Variants in ZNF169 observed in about 807,000 individuals in gnomAD.
The protein encoded by ZNF169 is zinc finger protein 169.
A neutral mutation model predicts 12.0 loss-of-function variants in ZNF169; 11 were observed. The ratio of observed to expected loss-of-function variants is 0.92; its 90% CI spans 0.58 to 1.52. The LOEUF (loss-of-function observed/expected upper bound fraction) is 1.52, where lower values mean the gene tolerates loss of function less well. Among genes scored for constraint, ZNF169 ranks in the 40% most tolerant of loss-of-function variants. The pLI is 0.00. For synonymous variants in ZNF169, 302 were observed against 286.5 expected (o/e 1.05, Z -0.55); for missense variants, 722 against 744.0 (o/e 0.97, Z 0.34).
intron 1 of ZNF169, among the ~76,000 whole-genome samples, chr9:94,274,823 A>G (rs1830493096): frequency 1.3e-5 from 2 of 152,198 alleles, no homozygotes; most frequent in South Asian, 4.1e-4. Context: ...TCATCTGGCA[A>G]CATGGTCCAC....
intron 1 of ZNF169, among the ~76,000 whole-genome samples, chr9:94,264,124 T>C (rs1830250722): frequency 6.8e-6 from 1 of 146,644 alleles, no homozygotes; most frequent in Non-Finnish European, 1.5e-5. Context: ...ATAATGTATT[T>C]GCTATAAACA....
intron 2 of ZNF169, among the ~76,000 whole-genome samples, chr9:94,281,398 A>T (rs1830628496): frequency 6.6e-6 from 1 of 152,212 alleles, no homozygotes; most frequent in African/African-American, 2.4e-5. Flanking sequence ...GTAACATAGA[A>T]AGGGAGCTGG....
intron 3 of ZNF169, 137 bp downstream of exon 3, chr9:94,292,604 C>T (rs1830864530): frequency 1.4e-6 from 1 of 701,818 alleles, no homozygotes; most frequent in Non-Finnish European, 2.1e-6. Context: ...TTTCACAGTG[C>T]AGTTGTGTGT....
rs372065573 is a variant in ZNF169, at chr9:94,284,853, A to G, written c.33+6008A>G. Among the ~76,000 whole-genome samples the G allele has an allele frequency of 3.9e-5, 6 of 152,144 alleles. No individual in the cohort carries two copies. In the East Asian group the frequency reaches 7.7e-4, roughly 20 times the overall value. On this transcript the variant is annotated intron_variant, in intron 2 of 4. Coordinates refer to ENST00000395395, the MANE Select transcript of ZNF169 (RefSeq NM_194320.4). ...TAGATTTAGTTCAATCAGAATTCCAATGGTGTTTTTTTTTCAGAAATAGAC... is the reference window on the plus strand; with the variant it reads ...TAGATTTAGTTCAATCAGAATTCCAGTGGTGTTTTTTTTTCAGAAATAGAC...
In ZNF169 at chr9:94,300,042, A is replaced by G; in HGVS notation, c.484A>G (p.Arg162Gly). The change falls in exon 5 of 5, where the codon AGG (arginine) becomes GGG (glycine). Residue 162 changes from arginine to glycine, a missense_variant. By Grantham distance (125) the Arg-to-Gly change is moderately radical. Transcript: ENST00000395395. Reference sequence around the variant, plus strand: ...AAGAAAGAGGCCAAGCAGAATTTCTAGGACATTCTTCAGCCCACATCAAGG... The same window carrying G: ...AAGAAAGAGGCCAAGCAGAATTTCTGGGACATTCTTCAGCCCACATCAAGG... ...SLRKRPSRIS[R>G]TFFSPHQGDP... 1 of 1,614,136 alleles carries G rather than the reference A, an allele frequency of 6.2e-7. No individual in the cohort carries two copies. Among genetic ancestry groups the G allele is most frequent in the East Asian group, 2.2e-5 (1 of 44,866 alleles).
chr9:94,277,269 G>C (rs1830538563), intron 1 of ZNF169, among the ~76,000 whole-genome samples: 1 of 152,222 alleles, frequency 6.6e-6, no homozygotes, highest in South Asian at 2.1e-4. Context: ...ATTGTGCAGA[G>C]GAAGCTCTCA....
chr9:94,292,391 G>C lies in ZNF169; in HGVS notation c.84G>C (p.Trp28Cys). The C allele has an allele frequency of 1.2e-6, 2 of 1,614,164 alleles. No individual in the cohort carries two copies. The highest frequency in any genetic ancestry group is 1.7e-6 in the Non-Finnish European group (2 of 1,180,028). The change falls in exon 3 of 5, where the codon TGG becomes TGC. Residue 28 changes from tryptophan to cysteine, a missense_variant. By Grantham distance (215) the Trp-to-Cys change is radical (BLOSUM62 -2). Transcript: ENST00000395395. The stretch of plus-strand genomic sequence containing the variant: ...CTGTGGCCTTCACCCAGAAGGAGTG[G>C]AAGCTATTGAGTTCTGCTCAGAGGA... The part of the protein sequence containing the change: ...DVAVAFTQKE[W>C]KLLSSAQRTL...
intron 1 of ZNF169, among the ~76,000 whole-genome samples, chr9:94,270,934 TATA>T (rs1357622674): frequency 2.3e-5 from 1 of 43,414 alleles, no homozygotes; most frequent in African/African-American, 1.3e-4. Context: ...ATAAATAATA[TATA>T]ATATATTATA....
intron 1 of ZNF169, 58 bp from the exon 2 acceptor site, chr9:94,278,700 C>T: frequency 1.0e-6 from 1 of 974,936 alleles, no homozygotes. Context: ...GGAGGCTGGA[C>T]AGAGTGTGAA....
chr9:94,286,712 T>C lies in ZNF169; in HGVS notation c.34-5629T>C, dbSNP rs1239200461. 2.6e-5 allele frequency among the ~76,000 whole-genome samples: 4 copies of C among 152,334 alleles called. No individual in the cohort carries two copies. In the East Asian group the frequency reaches 7.7e-4, roughly 29 times the overall value. ...GTTTAGATTCTGAGTGTTGTCATCA[T>C]GTGATTACAATCATACAGACTCTTC... On this transcript the variant is annotated intron_variant, in intron 2 of 4. Transcript: ENST00000395395.
rs1313405880 is a variant in ZNF169, at chr9:94,292,344, T to C, written c.37T>C (p.Leu13=). The C allele has an allele frequency of 6.2e-7, 1 of 1,614,076 alleles. No individual in the cohort carries two copies. Among genetic ancestry groups the C allele is most frequent in the African/African-American group, 1.3e-5 (1 of 75,002 alleles). Residue 13 remains leucine (L), a synonymous_variant, in exon 3 of 5, where the codon TTG becomes CTG. Transcript: ENST00000395395. ...PGLLTTRKEA[L]MAFRDVAVAF... ...CAGGGATGTGTTTGTGTTACAGGCA[T>C]TGATGGCCTTCCGGGATGTGGCTGT...
In ZNF169 at chr9:94,301,793, G is replaced by C. The variant is rs958432994; in HGVS notation, c.*423G>C. On this transcript the variant is annotated 3_prime_UTR_variant, in exon 5 of 5. Coordinates refer to ENST00000395395, the MANE Select transcript of ZNF169 (RefSeq NM_194320.4). ...GATAGAGCCACAGCCACATGGCCTCGTTTAACCTTAATAACCTTCCTAAAG... is the reference window on the plus strand; with the variant it reads ...GATAGAGCCACAGCCACATGGCCTCCTTTAACCTTAATAACCTTCCTAAAG... 1.3e-5 allele frequency among the ~76,000 whole-genome samples: 2 copies of C among 152,212 alleles called. No individual in the cohort carries two copies. The highest frequency in any genetic ancestry group is 3.4e-3 in the Middle Eastern group (1 of 294).
At position 94,285,775 on chromosome 9, in the gene ZNF169, T is replaced by TG. The variant is rs753694565; in HGVS notation, c.34-6565dup. 5.3e-5 allele frequency among the ~76,000 whole-genome samples: 8 copies of TG among 152,212 alleles called. No individual in the cohort carries two copies. The East Asian group carries it at 1.2e-3, about 22-fold the overall frequency. On this transcript the variant is annotated intron_variant, in intron 2 of 4. Coordinates refer to ENST00000395395, the MANE Select transcript of ZNF169 (RefSeq NM_194320.4). The stretch of plus-strand genomic sequence containing the variant: ...CTGTAATCCCAGCACTTTGGGAGGC[T>TG]GAAGTGGGCGGGTCACCTGAGGTCG...
intron 1 of ZNF169, among the ~76,000 whole-genome samples, chr9:94,270,871 AT>A (rs1830400939): frequency 2.4e-5 from 1 of 42,318 alleles, no homozygotes; most frequent in Non-Finnish European, 4.1e-5. Context: ...AATAATATAT[AT>A]ATTATATTAT....
intron 1 of ZNF169, among the ~76,000 whole-genome samples, chr9:94,262,632 T>C (rs1054609907): frequency 1.3e-5 from 2 of 152,084 alleles, no homozygotes; most frequent in South Asian, 4.1e-4. Flanking sequence ...TAAATTTTTT[T>C]GTATTTTTAA....
At chr9:94,265,732 G>A (rs964668957) in intron 1 of ZNF169, among the ~76,000 whole-genome samples, 2 of 152,102 alleles carry the variant, frequency 1.3e-5, no homozygotes, top group Non-Finnish European at 2.9e-5. Context: ...TGGAGCCTCA[G>A]TAAATTTATT....
At chr9:94,278,530 G>A (rs1459905512) in intron 1 of ZNF169, among the ~76,000 whole-genome samples, 1 of 152,230 alleles carries the variant, frequency 6.6e-6, no homozygotes, top group Non-Finnish European at 1.5e-5. Flanking sequence ...GCTGCTGGAA[G>A]ATGGGGGCTT....
At chr9:94,283,684 A>G (rs79909399) in intron 2 of ZNF169, among the ~76,000 whole-genome samples, 3,912 of 152,302 alleles carry the variant, frequency 0.026, 191 homozygotes, top group African/African-American at 0.087. Context: ...AATAAGCACA[A>G]AGAACCAAGG....
chr9:94,298,728 C>CA (rs59009101), intron 4 of ZNF169, among the ~76,000 whole-genome samples: 94 of 105,018 alleles, frequency 9.0e-4, no homozygotes, highest in East Asian at 8.4e-3. Flanking sequence ...GACTCTGTCT[C>CA]AAAAAAAAAA....
Sources: gnomAD v4.1 joint callset for allele counts (sites outside exome capture counted in the v4.1 genomes callset) on GRCh38, gnomAD v4.1.1 for gene constraint, MANE v1.5 for transcripts, NCBI Gene and HGNC (gene_info 2026-07-23, HGNC 2026-07-21) for gene names.